CPLANE1: variants seen among roughly 807,000 people sequenced by gnomAD.
CPLANE1 encodes the protein ciliogenesis and planar polarity effector complex subunit 1.
Under a neutral mutation model 362.5 loss-of-function variants are expected in CPLANE1, and 263 were observed. The ratio of observed to expected loss-of-function variants is 0.73; its 90% confidence interval spans 0.66 to 0.80. The LOEUF (loss-of-function observed/expected upper bound fraction) is 0.80. Ranked by LOEUF, CPLANE1 falls within the 30% of genes least tolerant of loss-of-function variation. CPLANE1 has a pLI of 0.00. For missense variants in CPLANE1, 3,461 were observed against 3,793.4 expected, an observed-to-expected ratio of 0.91 and a Z score of 2.30; for synonymous variants, 1,212 against 1,302.6, an observed-to-expected ratio of 0.93 and a Z score of 1.50.
chr5:37,198,475 G>C (rs1788204806), intron 20 of CPLANE1, among the ~76,000 whole-genome samples: 1 of 151,976 alleles, frequency 6.6e-6, no homozygotes. Flanking sequence ...TAATGGACTA[G>C]ATTACACTAT....
At chr5:37,139,406 T>G (rs529033527) in intron 44 of CPLANE1, 36 bp from the exon 45 acceptor site, 313 of 1,089,140 alleles carry the variant, frequency 2.9e-4, no homozygotes, top group Middle Eastern at 9.6e-4. Context: ...AAATTTTGGG[T>G]TTTTTTTTGC....
intron 51 of CPLANE1, among the ~76,000 whole-genome samples, chr5:37,113,014 G>A (rs1010723941): frequency 2.0e-5 from 3 of 152,182 alleles, no homozygotes; most frequent in Non-Finnish European, 2.9e-5. Flanking sequence ...TGTTGAACTA[G>A]ACATTGCTAG....
At chr5:37,119,294 T>C (rs1761950748) in intron 50 of CPLANE1, among the ~76,000 whole-genome samples, 1 of 152,218 alleles carries the variant, frequency 6.6e-6, no homozygotes, top group Admixed American at 6.5e-5. Context: ...CAAATGCCTA[T>C]ATCTTTAGCC....
the CPLANE1 span, among the ~76,000 whole-genome samples, chr5:37,084,905 G>C: frequency 6.6e-6 from 1 of 152,072 alleles, no homozygotes; most frequent in East Asian, 1.9e-4. Flanking sequence ...TTAAGGTAAA[G>C]GGGTGGAAAA....
At chr5:37,101,139 T>C in the CPLANE1 span, among the ~76,000 whole-genome samples, 3 of 152,214 alleles carry the variant, frequency 2.0e-5, no homozygotes, top group African/African-American at 7.2e-5. Flanking sequence ...GAATTTCCAA[T>C]ACTATGTTGA....
the CPLANE1 span, among the ~76,000 whole-genome samples, chr5:37,078,072 G>A: frequency 6.6e-6 from 1 of 152,048 alleles, no homozygotes; most frequent in Admixed American, 6.6e-5. Context: ...GCTTTTAAGG[G>A]GTACATATGC....
chr5:37,224,571 C>T lies in CPLANE1; in HGVS notation c.2461G>A (p.Asp821Asn), dbSNP rs1481482875. The T allele has an allele frequency of 6.4e-7, 1 of 1,551,280 alleles. No individual in the cohort carries two copies. Among genetic ancestry groups the T allele is most frequent in the Non-Finnish European group, 8.7e-7 (1 of 1,146,796 alleles). Reference protein sequence around the residue: ...HLQANLQSTGDCLNQTLELKS... With the variant: ...HLQANLQSTGNCLNQTLELKS... ...AGTTCTAAGGTTTGATTCAAGCAAT[C>T]TCCAGTACTCTGTAGGTTAGCCTGC... Residue 821 changes from aspartate to asparagine, a missense_variant, in exon 13 of 53, where the codon GAT (aspartate) becomes AAT (asparagine). Around this residue, in one of 2 missense-constraint regions of CPLANE1, gnomAD observed 3,380 missense variants for 3,666.1 expected, o/e 0.92. Transcript: ENST00000651892.
intron 16 of CPLANE1, chr5:37,210,601 T>C: frequency 1.3e-6 from 2 of 1,595,224 alleles, no homozygotes; most frequent in Non-Finnish European, 1.7e-6. Context: ...TTAGAGTCTG[T>C]CAAAGCCCAG....
chr5:37,217,638 T>TAAATAAAA (rs1302176547), intron 15 of CPLANE1, among the ~76,000 whole-genome samples: 20 of 145,982 alleles, frequency 1.4e-4, no homozygotes, highest in African/African-American at 4.9e-4. Context: ...AATAAATAAA[T>TAAATAAAA]AAAAATAAAG....
chr5:37,149,790 C>T (rs1772961119), intron 42 of CPLANE1, among the ~76,000 whole-genome samples: 2 of 152,074 alleles, frequency 1.3e-5, no homozygotes, highest in African/African-American at 2.4e-5. Context: ...GACTACTGTA[C>T]GTAAGGGCTT....
At chr5:37,188,694 T>G (rs987542650) in intron 21 of CPLANE1, among the ~76,000 whole-genome samples, 1 of 152,056 alleles carries the variant, frequency 6.6e-6, no homozygotes, top group Non-Finnish European at 1.5e-5. Context: ...AAGAAATCAT[T>G]ATATGAAAAA....
rs1183719989 is a variant in CPLANE1, at chr5:37,221,438, A to G, written c.2632T>C (p.Tyr878His). 1 of 1,522,812 alleles carries G rather than the reference A, an allele frequency of 6.6e-7. No homozygotes were observed. Among genetic ancestry groups the G allele is most frequent in the South Asian group, 1.3e-5 (1 of 77,978 alleles). 94.3% of individuals were successfully genotyped at this position (1,522,812 alleles called of 1,614,324 possible). A position where few individuals can be genotyped will look rare whatever the true frequency, so the allele number is the denominator to read the frequency against. ...LQIRYYLSLL[Y>H]CHLYSYNLND... ...AAATTATAGCTATAGAGGTGGCAGT[A>G]TAAGAGAGAAAGATAATAGCGTATC... Residue 878 changes from tyrosine to histidine, a missense_variant, in exon 15 of 53, where the codon TAC (tyrosine) becomes CAC (histidine). Tyr to His is a moderately conservative substitution (Grantham distance 83). Around this residue, in one of 2 missense-constraint regions of CPLANE1, gnomAD observed 3,380 missense variants for 3,666.1 expected, o/e 0.92. Transcript: ENST00000651892.
At chr5:37,117,930 G>A (rs1394635014) in intron 50 of CPLANE1, among the ~76,000 whole-genome samples, 1 of 152,226 alleles carries the variant, frequency 6.6e-6, no homozygotes, top group Non-Finnish European at 1.5e-5. Flanking sequence ...TTCATCAGAT[G>A]TTAAGAAACC....
At chr5:37,139,646 G>T in intron 44 of CPLANE1, 1 of 470,416 alleles carries the variant, frequency 2.1e-6, no homozygotes, top group Non-Finnish European at 2.9e-6. Flanking sequence ...CTGCCTCCGG[G>T]CTCAAGCAAA....
chr5:37,226,640 C>A lies in CPLANE1; in HGVS notation c.1955G>T (p.Arg652Ile), dbSNP rs1490748085. 5 of 1,551,266 alleles carry A rather than the reference C, an allele frequency of 3.2e-6. No individual in the cohort carries two copies. Among genetic ancestry groups the A allele is most frequent in the Non-Finnish European group, 4.4e-6 (5 of 1,146,868 alleles). The change falls in exon 12 of 53, where the codon AGA becomes ATA. Residue 652 changes from arginine (R) to isoleucine (I), a missense_variant. By Grantham distance (97) the Arg-to-Ile change is moderately conservative (BLOSUM62 -3). This residue lies in a region of CPLANE1 where 3,380 missense variants were observed against 3,666.1 expected (regional missense o/e 0.92). Transcript: ENST00000651892. ...CAAATGCCCCACATCTTGTTTGTAT[C>A]TTATATCCCAATAATGGATTGATAA... ...QCLSIHYWDIRYKQDVGHLIK... is the reference protein window; with the variant it reads ...QCLSIHYWDIIYKQDVGHLIK...
At chr5:37,109,956 C>T (rs1208351749) in intron 51 of CPLANE1, among the ~76,000 whole-genome samples, 5 of 152,188 alleles carry the variant, frequency 3.3e-5, no homozygotes, top group Non-Finnish European at 5.9e-5. Context: ...TGTGCCCAGC[C>T]TCATCCTTCT....
In CPLANE1 at chr5:37,182,899, TCA is replaced by T; in HGVS notation, c.5280_5281del (p.Cys1760Ter). 6.2e-7 allele frequency: 1 copy of T among 1,607,574 alleles called. No individual in the cohort carries two copies. The highest frequency in any genetic ancestry group is 2.2e-5 in the East Asian group (1 of 44,810). ...AGAGGATGACTCAGTTATACCAGAA[TCA>T]CAGAGTAGCCTTCTATTAGACCACC... On this transcript the variant is annotated stop_gained and frameshift_variant, in exon 26 of 53. Coordinates refer to ENST00000651892, the MANE Select transcript of CPLANE1 (RefSeq NM_001384732.1).
chr5:37,098,122 G>C, the CPLANE1 span, among the ~76,000 whole-genome samples: 1 of 151,926 alleles, frequency 6.6e-6, no homozygotes, highest in Non-Finnish European at 1.5e-5. Context: ...GGCCAGGCAT[G>C]GTGGCTCACG....
chr5:37,121,659 G>C lies in CPLANE1; in HGVS notation c.9143C>G (p.Pro3048Arg). Reference sequence around the variant, plus strand: ...GTGTTGACAACTGGAAGACTGAGTAGGGCTGGGTTTGTTAGGCAATGGTTT... The same window carrying C: ...GTGTTGACAACTGGAAGACTGAGTACGGCTGGGTTTGTTAGGCAATGGTTT... The part of the protein sequence containing the change: ...PQKPLPNKPS[P>R]TQSSSCQHCP... The change falls in exon 49 of 53, where the codon CCT (proline) becomes CGT (arginine). Residue 3048 changes from proline (P) to arginine (R), a missense_variant. Around this residue, in one of 2 missense-constraint regions of CPLANE1, gnomAD observed 3,380 missense variants for 3,666.1 expected, o/e 0.92. Transcript: ENST00000651892. The C allele has an allele frequency of 6.2e-7, 1 of 1,614,152 alleles. No individual in the cohort carries two copies. The highest frequency in any genetic ancestry group is 1.1e-5 in the South Asian group (1 of 91,076).
Sources: allele counts gnomAD v4.1 joint callset (sites outside exome capture counted in the v4.1 genomes callset), GRCh38; gene constraint gnomAD v4.1.1; regional missense constraint gnomAD v4.1.1; transcripts MANE v1.5; gene names NCBI Gene and HGNC (gene_info 2026-07-23, HGNC 2026-07-21).